The following CTDSPL2 variants were observed in gnomAD, a reference collection of about 807,000 sequenced individuals.
CTDSPL2 encodes the protein CTD small phosphatase like 2, also known as CTD small phosphatase-like protein 2.
Under a neutral mutation model 60.0 loss-of-function variants are expected in CTDSPL2, and 5 were observed. That is an observed-to-expected ratio of 0.08 (90% CI 0.04 to 0.18). The LOEUF (loss-of-function observed/expected upper bound fraction) is 0.18, where lower values mean the gene tolerates loss of function less well. CTDSPL2 is among the 10% of genes least tolerant of loss of function. CTDSPL2 has a pLI of 1.00. For synonymous variants in CTDSPL2, 186 were observed against 189.3 expected, an observed-to-expected ratio of 0.98 and a Z score of 0.14; for missense variants, 370 against 548.8, an observed-to-expected ratio of 0.67 and a Z score of 3.26.
At chr15:44,468,995 C>T (rs1335105336) in intron 2 of CTDSPL2, among the ~76,000 whole-genome samples, 1 of 152,054 alleles carries the variant, frequency 6.6e-6, no homozygotes, top group African/African-American at 2.4e-5. Flanking sequence ...GTAGATACCA[C>T]TCTGTTTGTA....
chr15:44,482,155 T>C (rs573708292), intron 2 of CTDSPL2, among the ~76,000 whole-genome samples: 5 of 150,828 alleles, frequency 3.3e-5, no homozygotes, highest in South Asian at 4.5e-4. Context: ...TCCCAGTCGT[T>C]GTTGTTTTAG....
At chr15:44,439,706 G>A (rs2080047333) in intron 1 of CTDSPL2, among the ~76,000 whole-genome samples, 1 of 151,908 alleles carries the variant, frequency 6.6e-6, no homozygotes, top group Non-Finnish European at 1.5e-5. Flanking sequence ...GAACTGAAAG[G>A]GTATGGTAAA....
At chr15:44,439,141 A>ATTG (rs1555429955) in intron 1 of CTDSPL2, among the ~76,000 whole-genome samples, 5,576 of 149,354 alleles carry the variant, frequency 0.037, 351 homozygotes, top group African/African-American at 0.13. Flanking sequence ...TATTATTATT[A>ATTG]TTGTTATTTA....
At chr15:44,512,465 G>C (rs1450855575) in intron 8 of CTDSPL2, among the ~76,000 whole-genome samples, 1 of 152,176 alleles carries the variant, frequency 6.6e-6, no homozygotes, top group Non-Finnish European at 1.5e-5. Flanking sequence ...ATGGAATTCA[G>C]AAAAAGTATT....
rs188643718 is a variant in CTDSPL2 at position 44,500,575 on chromosome 15, G to A, written c.969+762G>A. 1.9e-3 allele frequency among the ~76,000 whole-genome samples: 292 copies of A among 152,296 alleles called. 1 individual carries two copies. Among genetic ancestry groups the A allele is most frequent in the African/African-American group, 6.8e-3 (283 of 41,570 alleles). On this transcript the variant is annotated intron_variant, in intron 8 of 12. Transcript: ENST00000260327. ...TGAAAGATTGGGAATCGAAAAGTTT[G>A]TTGTCTGTCAAGAGGGAGCCAGCCT... is the stretch of plus-strand genomic sequence containing the variant.
At chr15:44,488,109 CAA>C (rs554716828) in intron 4 of CTDSPL2, among the ~76,000 whole-genome samples, 21 of 90,084 alleles carry the variant, frequency 2.3e-4, no homozygotes, top group Admixed American at 2.5e-4. Context: ...GACTCCGTCT[CAA>C]AAAAAAAAAA....
At chr15:44,505,333 G>C (rs903648559) in intron 8 of CTDSPL2, among the ~76,000 whole-genome samples, 3 of 152,108 alleles carry the variant, frequency 2.0e-5, no homozygotes, top group Admixed American at 6.6e-5. Flanking sequence ...GAGGTGGGAA[G>C]ATCACCGGAA....
intron 10 of CTDSPL2, among the ~76,000 whole-genome samples, chr15:44,516,356 T>A (rs1341769927): frequency 6.6e-6 from 1 of 152,206 alleles, no homozygotes; most frequent in Non-Finnish European, 1.5e-5. Context: ...ACAGTACCTT[T>A]ATTATTCAGT....
intron 1 of CTDSPL2, among the ~76,000 whole-genome samples, chr15:44,456,141 C>T (rs189738045): frequency 9.3e-4 from 141 of 152,196 alleles, no homozygotes; most frequent in African/African-American, 3.1e-3. Context: ...TGAGCCACCG[C>T]GCCCGGCCTT....
At chr15:44,521,109 A>G (rs2081759429) in intron 11 of CTDSPL2, 1 of 312,422 alleles carries the variant, frequency 3.2e-6, no homozygotes, top group African/African-American at 2.2e-5. Flanking sequence ...AATGACACTG[A>G]AAAACCAATA....
intron 3 of CTDSPL2, among the ~76,000 whole-genome samples, chr15:44,485,371 A>G (rs1380220445): frequency 2.0e-5 from 3 of 152,194 alleles, no homozygotes; most frequent in South Asian, 2.1e-4. Context: ...ACAGTCCCCA[A>G]CCTCTTGGCA....
At position 44,441,751 on chromosome 15, in the gene CTDSPL2, T is replaced by C. The variant is rs1595697253; in HGVS notation, c.-25+13979T>C. Among the ~76,000 whole-genome samples the C allele has an allele frequency of 2.6e-5, 4 of 152,310 alleles. No homozygotes were observed. In the South Asian group the frequency reaches 8.3e-4, roughly 32 times the overall value. On this transcript the variant is annotated intron_variant, in intron 1 of 12. Coordinates refer to ENST00000260327, the MANE Select transcript of CTDSPL2 (RefSeq NM_016396.3). ...GTTCAATTTTGTAGTTTATTCATGT[T>C]TTTTTGTTGTTAGGCTGGTGGTGGC...
At chr15:44,443,552 T>A (rs1426405445) in intron 1 of CTDSPL2, among the ~76,000 whole-genome samples, 1 of 152,242 alleles carries the variant, frequency 6.6e-6, no homozygotes, top group Non-Finnish European at 1.5e-5. Context: ...CTCCACATTC[T>A]TGCCGGCAAT....
chr15:44,524,305 CCAAT>C lies in CTDSPL2; in HGVS notation c.*132_*135del. ...GTCTTGCTTTTCTTATCTTTGGTGC[CCAAT>C]AATAATTAAGGGTTACAGAAAGAGA... is the stretch of plus-strand genomic sequence containing the variant. On this transcript the variant is annotated 3_prime_UTR_variant, in exon 13 of 13. Coordinates refer to ENST00000260327, the MANE Select transcript of CTDSPL2 (RefSeq NM_016396.3). 1.4e-6 allele frequency: 1 copy of C among 691,546 alleles called. No homozygotes were observed. Among genetic ancestry groups the C allele is most frequent in the Non-Finnish European group, 2.6e-6 (1 of 390,050 alleles). The allele number at this position is 691,546 out of a possible 1,614,324, so 42.8% of individuals were successfully genotyped here.
In CTDSPL2 at chr15:44,459,041, T is replaced by C. The variant is rs1264215377; in HGVS notation, c.27T>C (p.Ser9=). 6.3e-7 allele frequency: 1 copy of C among 1,599,328 alleles called. No individual in the cohort carries two copies. The highest frequency in any genetic ancestry group is 1.1e-5 in the South Asian group (1 of 88,838). The change falls in exon 2 of 13, where the codon TCT becomes TCC. Residue 9 remains serine (S), a synonymous_variant. Coordinates refer to ENST00000260327, the MANE Select transcript of CTDSPL2 (RefSeq NM_016396.3). The stretch of plus-strand genomic sequence containing the variant: ...TGAGGCTGAGAACACGGAAAGCTTC[T>C]CAGCAGTCAAATCAAATCCAAACAC... MRLRTRKA[S]QQSNQIQTQR...
At chr15:44,444,627 T>G (rs1008440418) in intron 1 of CTDSPL2, among the ~76,000 whole-genome samples, 2 of 151,932 alleles carry the variant, frequency 1.3e-5, no homozygotes, top group Non-Finnish European at 2.9e-5. Flanking sequence ...ATTACTGGTG[T>G]GAGCCACCAC....
At chr15:44,486,773 T>TC in intron 4 of CTDSPL2, 73 bp downstream of exon 4, 1 of 1,202,714 alleles carries the variant, frequency 8.3e-7, no homozygotes, top group South Asian at 1.5e-5. Context: ...TTTTTTTTTT[T>TC]TTTCTTGAGA....
chr15:44,459,624 C>T (rs2080522273), intron 2 of CTDSPL2, among the ~76,000 whole-genome samples: 3 of 152,166 alleles, frequency 2.0e-5, no homozygotes, highest in Non-Finnish European at 2.9e-5. Flanking sequence ...AATTTTACTT[C>T]TAAGAGTTTT....
chr15:44,522,879 C>G (rs1033107219), intron 12 of CTDSPL2, among the ~76,000 whole-genome samples: 4 of 152,208 alleles, frequency 2.6e-5, no homozygotes, highest in Admixed American at 2.0e-4. Flanking sequence ...ACATGGAACA[C>G]TTAGCTTTAA....
Sources: gnomAD v4.1 joint callset for allele counts (sites outside exome capture counted in the v4.1 genomes callset) on GRCh38, gnomAD v4.1.1 for gene constraint, MANE v1.5 for transcripts, NCBI Gene and HGNC (gene_info 2026-07-23, HGNC 2026-07-21) for gene names.